GALNTL6: variants seen among roughly 807,000 people sequenced by gnomAD.
GALNTL6 encodes polypeptide N-acetylgalactosaminyltransferase like 6, also known as polypeptide N-acetylgalactosaminyltransferase-like 6.
Under a neutral mutation model 73.7 loss-of-function variants are expected in GALNTL6, and 46 were observed. That is an observed-to-expected ratio of 0.62 (90% CI 0.49 to 0.80). The LOEUF is 0.80. Among genes scored for constraint, GALNTL6 ranks in the 30% least tolerant of loss-of-function variants. The pLI is 0.00. For missense variants in GALNTL6, 604 were observed against 755.0 expected (o/e 0.80, Z 2.34); for synonymous variants, 259 against 263.7 (o/e 0.98, Z 0.17).
chr4:172,311,066 A>T (rs539830691), intron 3 of GALNTL6, among the ~76,000 whole-genome samples: 1 of 152,256 alleles, frequency 6.6e-6, no homozygotes, highest in East Asian at 1.9e-4. Flanking sequence ...GAAAATTTAC[A>T]GTGTGTCTCA....
chr4:172,063,774 A>G (rs1392579466), intron 2 of GALNTL6, among the ~76,000 whole-genome samples: 1 of 152,088 alleles, frequency 6.6e-6, no homozygotes, highest in Non-Finnish European at 1.5e-5. Context: ...TATCATTTTT[A>G]TTGTTCTTAT....
chr4:172,525,407 G>A (rs1734917479), intron 5 of GALNTL6, among the ~76,000 whole-genome samples: 1 of 151,778 alleles, frequency 6.6e-6, no homozygotes, highest in South Asian at 2.1e-4. Flanking sequence ...TTTTAAATTT[G>A]TGTGTAGAGT....
At chr4:172,478,176 TTATATG>T (rs1196234488) in intron 5 of GALNTL6, among the ~76,000 whole-genome samples, 28 of 152,212 alleles carry the variant, frequency 1.8e-4, no homozygotes, top group African/African-American at 6.7e-4. Context: ...ATCCTAAAAT[TTATATG>T]GGACCAAACA....
At chr4:172,637,148 T>A (rs1339120881) in intron 5 of GALNTL6, among the ~76,000 whole-genome samples, 1 of 152,172 alleles carries the variant, frequency 6.6e-6, no homozygotes, top group African/African-American at 2.4e-5. Context: ...AATACACAGA[T>A]TATTAGGTAT....
At chr4:173,012,696 C>T (rs907563802) in intron 11 of GALNTL6, among the ~76,000 whole-genome samples, 1 of 152,228 alleles carries the variant, frequency 6.6e-6, no homozygotes, top group African/African-American at 2.4e-5. Flanking sequence ...TATCCTCTCC[C>T]TCCTGCCTTC....
chr4:172,236,337 A>G (rs1334913564), intron 3 of GALNTL6, among the ~76,000 whole-genome samples: 2 of 152,112 alleles, frequency 1.3e-5, no homozygotes, highest in Non-Finnish European at 2.9e-5. Flanking sequence ...AGGCAGGCGG[A>G]TCACGAGGTG....
chr4:171,948,488 TTA>T (rs1285056376), intron 2 of GALNTL6, among the ~76,000 whole-genome samples: 1 of 152,182 alleles, frequency 6.6e-6, no homozygotes. Context: ...TTTTTTGAAA[TTA>T]TATGAAGTTT....
intron 2 of GALNTL6, among the ~76,000 whole-genome samples, chr4:172,196,023 T>TA (rs35159373): frequency 5.3e-4 from 73 of 137,782 alleles, no homozygotes; most frequent in Non-Finnish European, 8.6e-4. Context: ...TTTTTTTTTT[T>TA]AAATTAATAA....
At chr4:173,018,927 C>T (rs1308143002) in intron 11 of GALNTL6, among the ~76,000 whole-genome samples, 1 of 152,216 alleles carries the variant, frequency 6.6e-6, no homozygotes, top group African/African-American at 2.4e-5. Context: ...CAAGGCCACA[C>T]AGGCCTTTCC....
intron 5 of GALNTL6, among the ~76,000 whole-genome samples, chr4:172,433,992 T>G (rs1242875165): frequency 6.6e-6 from 1 of 152,120 alleles, no homozygotes; most frequent in African/African-American, 2.4e-5. Context: ...CTCTGTAATC[T>G]TCATTTTAGT....
chr4:172,352,243 A>G (rs1029311568), intron 5 of GALNTL6, among the ~76,000 whole-genome samples: 1 of 152,174 alleles, frequency 6.6e-6, no homozygotes, highest in Non-Finnish European at 1.5e-5. Flanking sequence ...AAAAAAGTGC[A>G]TATTCCATCT....
chr4:172,946,358 G>C (rs551529182), intron 9 of GALNTL6, among the ~76,000 whole-genome samples: 1 of 152,130 alleles, frequency 6.6e-6, no homozygotes, highest in Non-Finnish European at 1.5e-5. Flanking sequence ...ACTGAACAGG[G>C]ATTGAATAGT....
At chr4:172,100,115 C>T (rs1478026565) in intron 2 of GALNTL6, among the ~76,000 whole-genome samples, 1 of 152,064 alleles carries the variant, frequency 6.6e-6, no homozygotes, top group Non-Finnish European at 1.5e-5. Context: ...GTGGTTTACA[C>T]TAGAACTAAG....
At chr4:172,370,795 G>T (rs1438743143) in intron 5 of GALNTL6, among the ~76,000 whole-genome samples, 1 of 152,092 alleles carries the variant, frequency 6.6e-6, no homozygotes, top group East Asian at 1.9e-4. Context: ...CAGGGGGGAG[G>T]TCTAGACCTC....
chr4:172,377,910 C>CG (rs993791556), intron 5 of GALNTL6, among the ~76,000 whole-genome samples: 13 of 151,962 alleles, frequency 8.6e-5, no homozygotes, highest in African/African-American at 2.9e-4. Context: ...ATCCCCCCCC[C>CG]CATGCCTCTT....
At chr4:173,012,082 GT>G (rs1752577727) in intron 11 of GALNTL6, among the ~76,000 whole-genome samples, 1 of 152,074 alleles carries the variant, frequency 6.6e-6, no homozygotes, top group Non-Finnish European at 1.5e-5. Flanking sequence ...CCTTTTCACT[GT>G]TTTAATTTTA....
At chr4:172,097,718 C>G (rs1732395150) in intron 2 of GALNTL6, among the ~76,000 whole-genome samples, 1 of 152,180 alleles carries the variant, frequency 6.6e-6, no homozygotes, top group Non-Finnish European at 1.5e-5. Context: ...CCTACCTTCA[C>G]TCTTATTAAG....
intron 5 of GALNTL6, among the ~76,000 whole-genome samples, chr4:172,381,303 A>G (rs1743276907): frequency 1.3e-5 from 2 of 152,300 alleles, no homozygotes; most frequent in African/African-American, 4.8e-5. Context: ...TGACCATATT[A>G]AAGTGTACAA....
chr4:172,295,531 G>GTTTTTTTTTTTTTTTTTTTTTTTTT (rs58721038), intron 3 of GALNTL6, among the ~76,000 whole-genome samples: 1 of 73,146 alleles, frequency 1.4e-5, no homozygotes, highest in Non-Finnish European at 2.4e-5. Context: ...CTTTTTTTAG[G>GTTTTTTTTTTTTTTTTTTTTTTTTT]TTTTTTTTTT....
Sources: allele counts gnomAD v4.1 joint callset (sites outside exome capture counted in the v4.1 genomes callset), GRCh38; gene constraint gnomAD v4.1.1; transcripts MANE v1.5; gene names NCBI Gene and HGNC (gene_info 2026-07-23, HGNC 2026-07-21).